Variants in VRK3 observed in about 807,000 individuals in gnomAD.
VRK3 encodes the protein VRK serine/threonine kinase 3.
A neutral mutation model predicts 60.4 loss-of-function variants in VRK3; 50 were observed. The ratio of observed to expected loss-of-function variants is 0.83; its 90% CI spans 0.66 to 1.05. VRK3 has a LOEUF of 1.05. Among genes scored for constraint, VRK3 ranks in the 50% least tolerant of loss-of-function variants. VRK3 has a pLI of 0.00. For synonymous variants in VRK3, 246 were observed against 227.8 expected (o/e 1.08, Z -0.72); for missense variants, 549 against 585.3 (o/e 0.94, Z 0.64).
chr19:49,990,549 T>C (rs917402822), intron 10 of VRK3, among the ~76,000 whole-genome samples: 2 of 151,924 alleles, frequency 1.3e-5, no homozygotes, highest in African/African-American at 4.8e-5. Flanking sequence ...CCCAGCCGAT[T>C]TTTTGTAAAG....
chr19:49,987,458 C>A lies in VRK3; in HGVS notation c.1217+914G>T, dbSNP rs569294760. 6.8e-4 allele frequency among the ~76,000 whole-genome samples: 104 copies of A among 152,332 alleles called. 1 individual carries two copies. Among genetic ancestry groups the A allele is most frequent in the African/African-American group, 2.5e-3 (102 of 41,572 alleles). On this transcript the variant is annotated intron_variant, in intron 12 of 14. Transcript: ENST00000316763. ...CCTCTGTGTCCAGCTGCTCAATGCC[C>A]TTAGTGTTCAATCTCACCCCAGAAC...
In VRK3 at chr19:50,025,297, G is replaced by A. The variant is rs1417505660; in HGVS notation, c.-95C>T. The A allele has an allele frequency of 6.6e-6, 1 of 152,322 alleles. No individual in the cohort carries two copies. Among genetic ancestry groups the A allele is most frequent in the African/African-American group, 2.4e-5 (1 of 41,464 alleles). The allele number at this position is 152,322 out of a possible 1,614,324, so 9.4% of individuals were successfully genotyped here. On this transcript the variant is annotated 5_prime_UTR_variant, in exon 1 of 15. Transcript: ENST00000316763. ...TACTTGGGGACTGGGGTGGGATTCT[G>A]GGCTTCTGCAGCCTGACCCTCGGAT...
At chr19:49,980,280 G>A (rs1448211083) in intron 13 of VRK3, among the ~76,000 whole-genome samples, 1 of 152,036 alleles carries the variant, frequency 6.6e-6, no homozygotes, top group Admixed American at 6.6e-5. Flanking sequence ...TATAAGTTAC[G>A]GTGCGGACAA....
intron 12 of VRK3, 149 bp downstream of exon 12, chr19:49,988,223 G>T (rs1163945653): frequency 7.9e-7 from 1 of 1,266,802 alleles, no homozygotes; most frequent in East Asian, 2.7e-5. Flanking sequence ...TGTGGACACT[G>T]CAGCACATGC....
chr19:49,993,177 C>T (rs1487074364), intron 9 of VRK3, among the ~76,000 whole-genome samples: 4 of 152,174 alleles, frequency 2.6e-5, no homozygotes, highest in Admixed American at 6.6e-5. Flanking sequence ...TGAGCTAAAG[C>T]GTGGCTTCCT....
intron 2 of VRK3, among the ~76,000 whole-genome samples, chr19:50,017,265 T>C (rs1467575121): frequency 6.6e-6 from 1 of 151,340 alleles, no homozygotes; most frequent in African/African-American, 2.4e-5. Flanking sequence ...AGGCTTACTG[T>C]ACATTAGCAA....
At chr19:50,018,234 G>T (rs1296023749) in intron 2 of VRK3, among the ~76,000 whole-genome samples, 1 of 152,232 alleles carries the variant, frequency 6.6e-6, no homozygotes, top group Non-Finnish European at 1.5e-5. Flanking sequence ...AACAGGGCCT[G>T]GCCCATAGAA....
At chr19:49,995,931 TA>T (rs987616206) in intron 7 of VRK3, among the ~76,000 whole-genome samples, 2 of 152,024 alleles carry the variant, frequency 1.3e-5, no homozygotes, top group African/African-American at 2.4e-5. Context: ...TTTTATTTTT[TA>T]TTTTTTTTGA....
chr19:49,981,708 A>C (rs771862080), intron 12 of VRK3: 4 of 1,000,276 alleles, frequency 4.0e-6, no homozygotes, highest in Non-Finnish European at 4.8e-6. Context: ...TCCAAGATGG[A>C]AATAAAGATT....
At position 50,015,227 on chromosome 19, in the gene VRK3, C is replaced by G. The variant is rs533364940; in HGVS notation, c.139+797G>C. On this transcript the variant is annotated intron_variant, in intron 3 of 14. Transcript: ENST00000316763. The stretch of plus-strand genomic sequence containing the variant: ...GGCTGAGCATCCCAAATCCGGAAAT[C>G]TGAAATGCAAAATGCTCCAAAATCT... Among the ~76,000 whole-genome samples, 15 of 152,252 alleles carry G rather than the reference C, an allele frequency of 9.9e-5. No homozygotes were observed. In the South Asian group the frequency reaches 2.7e-3, roughly 27 times the overall value.
intron 3 of VRK3, among the ~76,000 whole-genome samples, chr19:50,013,033 G>C (rs1210960255): frequency 1.3e-5 from 2 of 152,116 alleles, no homozygotes; most frequent in South Asian, 2.1e-4. Context: ...TGGGCGTGGT[G>C]GTGGGCGCCT....
intron 6 of VRK3, 27 bp downstream of exon 6, chr19:50,000,763 C>A (rs2076789939): frequency 6.2e-7 from 1 of 1,600,502 alleles, no homozygotes; most frequent in Non-Finnish European, 8.5e-7. Context: ...CCCCTCCAAG[C>A]TGCCCCCCAC....
rs2076792186 is a variant in VRK3, at chr19:50,000,845, G to T, written c.557C>A (p.Thr186Asn). 1 of 1,613,824 alleles carries T rather than the reference G, an allele frequency of 6.2e-7. No individual in the cohort carries two copies. Among genetic ancestry groups the T allele is most frequent in the Non-Finnish European group, 8.5e-7 (1 of 1,179,930 alleles). The part of the protein sequence containing the change: ...NQGILYEAAP[T>N]STLTCDSGPQ... ...TCCTGAGTCACAGGTGAGGGTGGAG[G>T]TGGGTGCAGCTGTGGGGGAACAAAC... Residue 186 changes from threonine to asparagine, a missense_variant, in exon 6 of 15, where the codon ACC becomes AAC. Coordinates refer to ENST00000316763, the MANE Select transcript of VRK3 (RefSeq NM_016440.4).
chr19:49,995,100 C>T, intron 8 of VRK3, 91 bp downstream of exon 8: 2 of 1,433,296 alleles, frequency 1.4e-6, no homozygotes, highest in South Asian at 1.2e-5. Context: ...AAGACCTGGC[C>T]CACGGCTTCG....
intron 11 of VRK3, among the ~76,000 whole-genome samples, chr19:49,989,370 C>G (rs1453733181): frequency 1.3e-5 from 2 of 152,216 alleles, no homozygotes. Flanking sequence ...CTAGGCAACT[C>G]CCATCTTCCA....
At chr19:49,984,533 G>A (rs376763302) in intron 12 of VRK3, among the ~76,000 whole-genome samples, 1 of 152,198 alleles carries the variant, frequency 6.6e-6, no homozygotes, top group African/African-American at 2.4e-5. Flanking sequence ...CTGAACTCCC[G>A]ACATTGGGGC....
chr19:49,998,605 C>T (rs1297129654), intron 6 of VRK3: 1 of 152,054 alleles, frequency 6.6e-6, no homozygotes, highest in African/African-American at 2.4e-5. Context: ...ATTCATTCTT[C>T]CTACAAAGCC....
At chr19:50,006,912 C>T (rs1419749411) in intron 5 of VRK3, among the ~76,000 whole-genome samples, 1 of 152,192 alleles carries the variant, frequency 6.6e-6, no homozygotes, top group African/African-American at 2.4e-5. Context: ...CCTGGGTGAG[C>T]GGATGAGCAA....
At chr19:50,000,764 T>A in intron 6 of VRK3, 26 bp downstream of exon 6, 1 of 1,602,120 alleles carries the variant, frequency 6.2e-7, no homozygotes, top group Non-Finnish European at 8.5e-7. Flanking sequence ...CCCTCCAAGC[T>A]GCCCCCCACC....
Sources: allele counts gnomAD v4.1 joint callset (sites outside exome capture counted in the v4.1 genomes callset), GRCh38; gene constraint gnomAD v4.1.1; transcripts MANE v1.5; gene names NCBI Gene and HGNC (gene_info 2026-07-23, HGNC 2026-07-21).